GPR173: variants seen among roughly 807,000 people sequenced by gnomAD.
GPR173 encodes G protein-coupled receptor 173.
Under a neutral mutation model 13.9 loss-of-function variants are expected in GPR173, and 2 were observed. The observed-to-expected ratio is 0.14, with a 90% CI of 0.06 to 0.45. The LOEUF is 0.45. GPR173 is among the 20% of genes least tolerant of loss of function. GPR173 has a pLI of 0.98. For synonymous variants in GPR173, 131 were observed against 141.0 expected, an observed-to-expected ratio of 0.93 and a Z score of 0.50; for missense variants, 202 against 340.5, an observed-to-expected ratio of 0.59 and a Z score of 3.20.
In GPR173 at chrX:53,078,640, G is replaced by A. The variant is rs1932480461; in HGVS notation, c.*897G>A. 8.1e-6 allele frequency: 1 copy of A among 123,088 alleles called. No individual in the cohort carries two copies. The allele number at this position is 123,088 out of a possible 1,213,427, so 10.1% of individuals were successfully genotyped here. On this transcript the variant is annotated 3_prime_UTR_variant, in exon 2 of 2. Transcript: ENST00000332582. ...ACTCCAGCCCCACTAGGACTGATGT[G>A]GGTGCCATACAGGCAGGAGCAGCCC...
intron 1 of GPR173, among the ~76,000 whole-genome samples, chrX:53,049,915 G>A (rs1049609705): frequency 1.8e-4 from 19 of 107,362 alleles, no homozygotes; most frequent in Non-Finnish European, 3.7e-4. Flanking sequence ...TCTCCTCCAG[G>A]ATCCCTGGCC....
At chrX:53,056,370 G>A (rs1251391943) in intron 1 of GPR173, among the ~76,000 whole-genome samples, 2 of 110,364 alleles carry the variant, frequency 1.8e-5, no homozygotes, top group Admixed American at 1.9e-4. Context: ...AGAGCGTGGG[G>A]TATATCTAAG....
At chrX:53,057,513 G>A (rs1191520868) in intron 1 of GPR173, among the ~76,000 whole-genome samples, 22 of 106,683 alleles carry the variant, frequency 2.1e-4, no homozygotes, top group Non-Finnish European at 3.5e-4. Context: ...CGAGGTGGGC[G>A]GATCACCTGA....
intron 1 of GPR173, chrX:53,070,989 T>C (rs1932249542): frequency 9.4e-6 from 1 of 106,455 alleles, no homozygotes; most frequent in Non-Finnish European, 1.9e-5. Context: ...TTTTTTTAGA[T>C]GGAGTTTCGC....
intron 1 of GPR173, among the ~76,000 whole-genome samples, chrX:53,067,020 C>A (rs1353363091): frequency 2.7e-5 from 3 of 111,782 alleles, no homozygotes; most frequent in South Asian, 7.4e-4. Flanking sequence ...TCAAAGTATT[C>A]ATGTATCACT....
chrX:53,080,263 A>C lies in GPR173; in HGVS notation c.*2520A>C, dbSNP rs1307763372. On this transcript the variant is annotated 3_prime_UTR_variant, in exon 2 of 2. Coordinates refer to ENST00000332582, the MANE Select transcript of GPR173 (RefSeq NM_018969.6). ...GGGAGGGATGTCATGGGGAAAAAAA[A>C]CCCAAGCCCAGGAGTCTACCCAGCC... 3.3e-5 allele frequency: 4 copies of C among 121,505 alleles called. No individual in the cohort carries two copies. The highest frequency in any genetic ancestry group is 9.9e-5 in the African/African-American group (3 of 30,224). The allele number at this position is 121,505 out of a possible 1,213,427, so 10.0% of individuals were successfully genotyped here.
chrX:53,077,722 A>G lies in GPR173; in HGVS notation c.1101A>G (p.Arg367=), dbSNP rs782442152. ...CWGTGGAPAP[R]EPYCVM ...GCACAGGAGGTGCCCCGGCTCCCAG[A>G]GAACCCTACTGTGTCATGTGAAGCA... The change falls in exon 2 of 2, where the codon AGA becomes AGG. Residue 367 remains arginine (R), a synonymous_variant. Transcript: ENST00000332582. 2 of 1,209,076 alleles carry G rather than the reference A, an allele frequency of 1.7e-6. No individual in the cohort carries two copies. The highest frequency in any genetic ancestry group is 2.2e-5 in the Admixed American group (1 of 46,006).
At chrX:53,070,513 T>A (rs1932243157) in intron 1 of GPR173, among the ~76,000 whole-genome samples, 1 of 112,037 alleles carries the variant, frequency 8.9e-6, no homozygotes, top group African/African-American at 3.2e-5. Flanking sequence ...AGATGGAGTT[T>A]CACTCTTGTT....
chrX:53,051,556 G>C (rs1219791142), intron 1 of GPR173, among the ~76,000 whole-genome samples: 1 of 110,770 alleles, frequency 9.0e-6, no homozygotes, highest in Non-Finnish European at 1.9e-5. Flanking sequence ...GTGAGTGTGT[G>C]GGTATCTGGG....
intron 1 of GPR173, among the ~76,000 whole-genome samples, chrX:53,058,460 T>C (rs1187081899): frequency 2.9e-5 from 3 of 103,373 alleles, no homozygotes; most frequent in Non-Finnish European, 5.8e-5. Flanking sequence ...TGTGTGTGTG[T>C]ATGTAAAGGG....
chrX:53,067,561 C>G (rs1395372576), intron 1 of GPR173, among the ~76,000 whole-genome samples: 2 of 112,185 alleles, frequency 1.8e-5, no homozygotes, highest in African/African-American at 6.5e-5. Context: ...CGCGGTGGCT[C>G]ACGCCTGTAA....
chrX:53,074,747 T>A (rs1375389169), intron 1 of GPR173, among the ~76,000 whole-genome samples: 3 of 93,948 alleles, frequency 3.2e-5, no homozygotes, highest in African/African-American at 1.2e-4. Flanking sequence ...ATAAATATAA[T>A]TATATATAAA....
chrX:53,068,902 A>G (rs1556804504), intron 1 of GPR173, among the ~76,000 whole-genome samples: 1 of 106,032 alleles, frequency 9.4e-6, no homozygotes, highest in Non-Finnish European at 1.9e-5. Context: ...GCAGTGAGCT[A>G]TGATTACACC....
intron 1 of GPR173, among the ~76,000 whole-genome samples, chrX:53,060,524 G>A (rs1932108681): frequency 9.5e-6 from 1 of 105,367 alleles, no homozygotes; most frequent in African/African-American, 3.5e-5. Context: ...AGGATGCAGT[G>A]AGCCAAGGTC....
chrX:53,058,943 T>C (rs2146674715), intron 1 of GPR173, among the ~76,000 whole-genome samples: 1 of 109,189 alleles, frequency 9.2e-6, no homozygotes, highest in African/African-American at 3.4e-5. Flanking sequence ...TTAAGAAGGC[T>C]TTGAAGTTAA....
intron 1 of GPR173, among the ~76,000 whole-genome samples, chrX:53,071,590 C>A (rs890992023): frequency 8.9e-5 from 10 of 112,096 alleles, no homozygotes; most frequent in African/African-American, 3.2e-4. Flanking sequence ...GTGGGACTCT[C>A]CCCCATATTA....
At chrX:53,050,663 G>C (rs73634276) in intron 1 of GPR173, among the ~76,000 whole-genome samples, 5,335 of 112,025 alleles carry the variant, frequency 0.048, 165 homozygotes, top group African/African-American at 0.11. Flanking sequence ...AAAGCTCACA[G>C]TCAATATTGT....
chrX:53,056,178 T>A (rs1932034376), intron 1 of GPR173, among the ~76,000 whole-genome samples: 1 of 109,220 alleles, frequency 9.2e-6, no homozygotes, highest in African/African-American at 3.3e-5. Context: ...GTGTACTGAA[T>A]TGGGAGTTTG....
intron 1 of GPR173, among the ~76,000 whole-genome samples, chrX:53,069,774 A>AGTCT (rs1932233763): frequency 9.0e-6 from 1 of 111,549 alleles, no homozygotes; most frequent in African/African-American, 3.3e-5. Context: ...AGCTGTTATA[A>AGTCT]GTCTGTTCAT....
Sources: allele counts gnomAD v4.1 joint callset (sites outside exome capture counted in the v4.1 genomes callset), GRCh38; gene constraint gnomAD v4.1.1; transcripts MANE v1.5; gene names NCBI Gene and HGNC (gene_info 2026-07-23, HGNC 2026-07-21).